The following CLCNKB variants were observed in gnomAD, a reference collection of about 807,000 sequenced individuals.
The protein encoded by CLCNKB is chloride channel protein ClC-Kb.
CLCNKB carries 74 observed loss-of-function variants against 83.8 expected under a neutral mutation model. The ratio of observed to expected loss-of-function variants is 0.88; its 90% confidence interval spans 0.73 to 1.07. The LOEUF is 1.07. Among genes scored for constraint, CLCNKB ranks in the 50% least tolerant of loss-of-function variants. The pLI is 0.00. For missense variants in CLCNKB, 798 were observed against 893.6 expected (o/e 0.89, Z 1.36); for synonymous variants, 358 against 356.6 (o/e 1.00, Z -0.04).
chr1:16,045,146 G>A (rs2023062782), intron 2 of CLCNKB, among the ~76,000 whole-genome samples: 1 of 152,192 alleles, frequency 6.6e-6, no homozygotes, highest in Non-Finnish European at 1.5e-5. Context: ...GGGACCCAGA[G>A]GATACCTGGC....
intron 7 of CLCNKB, 181 bp from the exon 8 acceptor site, chr1:16,048,939 T>C (rs1375614055): frequency 2.7e-6 from 4 of 1,480,852 alleles, no homozygotes; most frequent in Non-Finnish European, 3.6e-6. Context: ...TGGACGGGTC[T>C]CTGGGCAGCG....
In CLCNKB at chr1:16,052,233, A is replaced by G; in HGVS notation, c.1444A>G (p.Ile482Val). 6.2e-7 allele frequency: 1 copy of G among 1,613,110 alleles called. No individual in the cohort carries two copies. The highest frequency in any genetic ancestry group is 8.5e-7 in the Non-Finnish European group (1 of 1,179,982). ...AAFSGAVTHTISTALLAFEVT... is the reference protein window; with the variant it reads ...AAFSGAVTHTVSTALLAFEVT... ...CTTCTCAGGGGCTGTGACCCACACC[A>G]TCTCCACGGCGCTGCTGGCCTTCGA... Residue 482 changes from isoleucine to valine, a missense_variant, in exon 15 of 20, where the codon ATC becomes GTC. By Grantham distance (29) the Ile-to-Val change is conservative. Coordinates refer to ENST00000375679, the MANE Select transcript of CLCNKB (RefSeq NM_000085.5).
chr1:16,051,346 A>T, intron 12 of CLCNKB, 132 bp from the exon 13 acceptor site: 3 of 1,224,620 alleles, frequency 2.4e-6, no homozygotes, highest in Non-Finnish European at 3.6e-6. Flanking sequence ...CTAATGCCAG[A>T]CTCTGGCAGT....
Position 16,052,230 on chromosome 1 carries a change from A to T in CLCNKB, c.1441A>T (p.Thr481Ser), listed in dbSNP as rs12140311. The change falls in exon 15 of 20, where the codon ACC becomes TCC. Residue 481 changes from threonine (T) to serine (S), a missense_variant. Coordinates refer to ENST00000375679, the MANE Select transcript of CLCNKB (RefSeq NM_000085.5). ...AGCCTTCTCAGGGGCTGTGACCCAC[A>T]CCATCTCCACGGCGCTGCTGGCCTT... is the stretch of plus-strand genomic sequence containing the variant. The part of the protein sequence containing the change: ...AAAFSGAVTH[T>S]ISTALLAFEV... 0.11 allele frequency: 183,225 copies of T among 1,612,846 alleles called. 11,747 individuals carry two copies. Among genetic ancestry groups the T allele is most frequent in the African/African-American group, 0.22 (16,315 of 75,004 alleles).
Position 16,048,430 on chromosome 1 carries a change from T to C in CLCNKB, c.576+10T>C. The stretch of plus-strand genomic sequence containing the variant: ...CATCGGGGAGCCTGAGGTTAGGGAC[T>C]CGGGGGCTTCCTTGGAGAAATGGGA... On this transcript the variant is annotated intron_variant, in intron 6 of 19. Coordinates refer to ENST00000375679, the MANE Select transcript of CLCNKB (RefSeq NM_000085.5). The C allele has an allele frequency of 1.2e-6, 2 of 1,613,854 alleles. No individual in the cohort carries two copies. Among genetic ancestry groups the C allele is most frequent in the Non-Finnish European group, 1.7e-6 (2 of 1,179,938 alleles).
At position 16,049,189 on chromosome 1, in the gene CLCNKB, C is replaced by T. The variant is rs748423128; in HGVS notation, c.725C>T (p.Ala242Val). Reference sequence around the variant, plus strand: ...TGGGATTACTGGAGGGGCTTCTTTGCGGCCACCTGCGGGGCCTTCATGTTC... The same window carrying T: ...TGGGATTACTGGAGGGGCTTCTTTGTGGCCACCTGCGGGGCCTTCATGTTC... Reference protein sequence around the residue: ...SVWDYWRGFFAATCGAFMFRL... With the variant: ...SVWDYWRGFFVATCGAFMFRL... Residue 242 changes from alanine to valine, a missense_variant, in exon 8 of 20, where the codon GCG (alanine) becomes GTG (valine). Physicochemically the swap from Ala to Val is moderately conservative, Grantham distance 64. Transcript: ENST00000375679. 61 of 1,613,420 alleles carry T rather than the reference C, an allele frequency of 3.8e-5. No homozygotes were observed. The highest frequency in any genetic ancestry group is 4.8e-5 in the Non-Finnish European group (57 of 1,180,010).
rs387907410 is a variant in CLCNKB at position 16,053,691 on chromosome 1, G to A, written c.1675G>A (p.Ala559Thr). Residue 559 changes from alanine (A) to threonine (T), a missense_variant, in exon 16 of 20, where the codon GCC becomes ACC. Ala to Thr is a moderately conservative substitution (Grantham distance 58). Coordinates refer to ENST00000375679, the MANE Select transcript of CLCNKB (RefSeq NM_000085.5). Reference sequence around the variant, plus strand: ...CATGAACCACAGCATCACCACACTGGCCAAGGACATGCCACTGGAGGAGGT... The same window carrying A: ...CATGAACCACAGCATCACCACACTGACCAAGGACATGCCACTGGAGGAGGT... ...HFMNHSITTL[A>T]KDMPLEEVVK... 6.2e-7 allele frequency: 1 copy of A among 1,613,934 alleles called. No individual in the cohort carries two copies. The highest frequency in any genetic ancestry group is 2.2e-5 in the East Asian group (1 of 44,868).
chr1:16,053,608 T>C (rs758077275), intron 15 of CLCNKB, 31 bp from the exon 16 acceptor site: 41 of 1,613,536 alleles, frequency 2.5e-5, no homozygotes, highest in Admixed American at 5.0e-5. Flanking sequence ...TCCCTGACTG[T>C]GGGGCCTGAT....
At chr1:16,049,482 G>C in intron 8 of CLCNKB, 136 bp from the exon 9 acceptor site, 1 of 1,514,632 alleles carries the variant, frequency 6.6e-7, no homozygotes, top group Non-Finnish European at 9.0e-7. Flanking sequence ...GAGCCTGGTT[G>C]TGGGGGCCTG....
chr1:16,048,836 T>C (rs1276717633), intron 7 of CLCNKB: 3 of 1,440,844 alleles, frequency 2.1e-6, no homozygotes, highest in Non-Finnish European at 2.7e-6. Context: ...CCCTGGCCCG[T>C]TGGCCTCTCT....
At chr1:16,046,957 C>T (rs937930787) in intron 4 of CLCNKB, among the ~76,000 whole-genome samples, 1 of 152,222 alleles carries the variant, frequency 6.6e-6, no homozygotes, top group Non-Finnish European at 1.5e-5. Context: ...CACAGCTCCC[C>T]CAGGCCGCTC....
At chr1:16,045,377 C>T (rs6604908) in intron 2 of CLCNKB, among the ~76,000 whole-genome samples, 181 bp from the exon 3 acceptor site, 1 of 151,942 alleles carries the variant, frequency 6.6e-6, no homozygotes, top group Non-Finnish European at 1.5e-5. Flanking sequence ...ACTGTCACCT[C>T]CCACAAATCC....
intron 5 of CLCNKB, 109 bp from the exon 6 acceptor site, chr1:16,048,234 G>C (rs1470769110): frequency 4.7e-6 from 7 of 1,495,584 alleles, no homozygotes; most frequent in East Asian, 2.4e-5. Flanking sequence ...GACGGCCGTG[G>C]GGGCTTGGGA....
chr1:16,055,279 C>G (rs2023403637), intron 16 of CLCNKB, among the ~76,000 whole-genome samples, 156 bp from the exon 17 acceptor site: 1 of 152,202 alleles, frequency 6.6e-6, no homozygotes, highest in Non-Finnish European at 1.5e-5. Flanking sequence ...CTCTGTGCCT[C>G]TGAGCCAAAG....
In CLCNKB at chr1:16,044,567, TC is replaced by T; in HGVS notation, c.79del (p.Arg27AlafsTer13). On this transcript the variant is annotated frameshift_variant, in exon 2 of 20. Coordinates refer to ENST00000375679, the MANE Select transcript of CLCNKB (RefSeq NM_000085.5). LOFTEE classifies it high-confidence loss of function. ...VTLQELWGPC[P>X]RIRRGIRGGL... ...CTCTGCAGGAGCTGTGGGGCCCCTG[TC>T]CCCGCATCCGCCGAGGCATCCGAGG... The T allele has an allele frequency of 6.2e-7, 1 of 1,604,738 alleles. No homozygotes were observed.
chr1:16,048,560 A>T lies in CLCNKB; in HGVS notation c.633A>T (p.Thr211=). The change falls in exon 7 of 20, where the codon ACA becomes ACT. Residue 211 remains threonine (T), a synonymous_variant. Transcript: ENST00000375679. ...CAGCGGCGGCAGTGGGCGTGGCCACAGTCTTTGCAGCTCCCTTCAGCGGTG... is the reference window on the plus strand; with the variant it reads ...CAGCGGCGGCAGTGGGCGTGGCCACTGTCTTTGCAGCTCCCTTCAGCGGTG... ...LVAAAAVGVA[T]VFAAPFSGVL... 1 of 1,613,290 alleles carries T rather than the reference A, an allele frequency of 6.2e-7. No individual in the cohort carries two copies. The highest frequency in any genetic ancestry group is 8.5e-7 in the Non-Finnish European group (1 of 1,179,704).
In CLCNKB at chr1:16,050,569, C is replaced by T. The variant is rs1188227121; in HGVS notation, c.1022C>T (p.Pro341Leu). The change falls in exon 11 of 20, where the codon CCA (proline) becomes CTA (leucine). Residue 341 changes from proline (P) to leucine (L), a missense_variant. By Grantham distance (98) the Pro-to-Leu change is moderately conservative. Coordinates refer to ENST00000375679, the MANE Select transcript of CLCNKB (RefSeq NM_000085.5). ...TTGGTTCTCGCCTCCATCACCTACC[C>T]ACCCAGCGCCGGCCGCTTCCTAGCT... is the stretch of plus-strand genomic sequence containing the variant. ...ATLVLASITY[P>L]PSAGRFLASR... 1.2e-6 allele frequency: 2 copies of T among 1,614,022 alleles called. No individual in the cohort carries two copies. The highest frequency in any genetic ancestry group is 2.7e-5 in the African/African-American group (2 of 74,926).
chr1:16,056,553 G>A (rs779089847), intron 19 of CLCNKB, 45 bp downstream of exon 19: 7 of 790,894 alleles, frequency 8.9e-6, no homozygotes, highest in African/African-American at 8.8e-5. Context: ...ACCTATGCCT[G>A]AGAAGACTGG....
intron 11 of CLCNKB, 24 bp downstream of exon 11, chr1:16,050,624 C>T: frequency 6.2e-7 from 1 of 1,609,738 alleles, no homozygotes; most frequent in Non-Finnish European, 8.5e-7. Context: ...AGTGGGGTGG[C>T]AGGAGTGGGG....
Sources: gnomAD v4.1 joint callset for allele counts (sites outside exome capture counted in the v4.1 genomes callset) on GRCh38, gnomAD v4.1.1 for gene constraint, MANE v1.5 for transcripts, NCBI Gene and HGNC (gene_info 2026-07-23, HGNC 2026-07-21) for gene names.